PRKCA: variants seen among roughly 807,000 people sequenced by gnomAD.
The protein encoded by PRKCA is protein kinase C alpha, also known as protein kinase C alpha type.
In PRKCA, 27 loss-of-function variants were observed where a neutral mutation model predicts 87.0. That is an observed-to-expected ratio of 0.31 (90% CI 0.23 to 0.43). The LOEUF (loss-of-function observed/expected upper bound fraction) is 0.43. Ranked by LOEUF, PRKCA falls within the 20% of genes least tolerant of loss-of-function variation. The pLI is 1.00. For missense variants in PRKCA, 518 were observed against 852.3 expected (o/e 0.61, Z 4.88); for synonymous variants, 329 against 311.1 (o/e 1.06, Z -0.61).
At chr17:66,732,637 C>G in intron 8 of PRKCA, 51 bp from the exon 9 acceptor site, 9 of 1,611,492 alleles carry the variant, frequency 5.6e-6, no homozygotes, top group South Asian at 3.3e-5. Flanking sequence ...TTCTGTCACT[C>G]TTTCCCCAGA....
intron 3 of PRKCA, among the ~76,000 whole-genome samples, chr17:66,563,668 A>G (rs567424371): frequency 7.9e-4 from 121 of 152,230 alleles, no homozygotes; most frequent in Non-Finnish European, 1.4e-3. Context: ...AAAATATCTC[A>G]TTCTTTTTCT....
At chr17:66,313,351 C>T (rs1331664290) in intron 2 of PRKCA, among the ~76,000 whole-genome samples, 2 of 152,080 alleles carry the variant, frequency 1.3e-5, no homozygotes, top group South Asian at 2.1e-4. Context: ...AGAAAAAGTA[C>T]TTTTAAAGCT....
At chr17:66,691,528 C>T (rs1021403764) in intron 8 of PRKCA, among the ~76,000 whole-genome samples, 3 of 152,218 alleles carry the variant, frequency 2.0e-5, no homozygotes, top group Non-Finnish European at 4.4e-5. Context: ...TGTTTCCACC[C>T]CTACCCTGCA....
At chr17:66,723,031 C>G (rs1428634097) in intron 8 of PRKCA, among the ~76,000 whole-genome samples, 1 of 152,232 alleles carries the variant, frequency 6.6e-6, no homozygotes, top group African/African-American at 2.4e-5. Context: ...GGGTGGATAG[C>G]TAGAGCCAAG....
intron 2 of PRKCA, among the ~76,000 whole-genome samples, chr17:66,385,172 T>C (rs1388357114): frequency 6.6e-6 from 1 of 152,172 alleles, no homozygotes; most frequent in Non-Finnish European, 1.5e-5. Context: ...TGTGTGGGGC[T>C]CAACTCCTTC....
At chr17:66,698,979 A>T (rs1972996851) in intron 8 of PRKCA, among the ~76,000 whole-genome samples, 1 of 149,004 alleles carries the variant, frequency 6.7e-6, no homozygotes, top group Non-Finnish European at 1.5e-5. Flanking sequence ...GACTGTCTTA[A>T]AAAAAAGAAA....
chr17:66,776,776 C>A (rs970324107), intron 14 of PRKCA, among the ~76,000 whole-genome samples: 1 of 152,210 alleles, frequency 6.6e-6, no homozygotes. Flanking sequence ...CAGGGTCTTA[C>A]ATCTCTTCTC....
At chr17:66,492,119 G>A (rs148244207) in intron 2 of PRKCA, among the ~76,000 whole-genome samples, 6 of 152,312 alleles carry the variant, frequency 3.9e-5, no homozygotes, top group African/African-American at 1.4e-4. Context: ...CAGATAACGT[G>A]TCTATGAGTG....
At chr17:66,517,478 G>A (rs901938024) in intron 3 of PRKCA, among the ~76,000 whole-genome samples, 2 of 152,122 alleles carry the variant, frequency 1.3e-5, no homozygotes, top group African/African-American at 4.8e-5. Context: ...TGTGGCCCTT[G>A]AGGGCAAAAC....
At chr17:66,799,169 G>A (rs1489642582) in intron 16 of PRKCA, among the ~76,000 whole-genome samples, 2 of 11,146 alleles carry the variant, frequency 1.8e-4, no homozygotes, top group Admixed American at 9.9e-4. Flanking sequence ...GGTGGTGGTG[G>A]TGGTGGTGAT....
intron 2 of PRKCA, among the ~76,000 whole-genome samples, chr17:66,462,947 CACACACACACACACACACAT>C (rs1914921730): frequency 6.6e-6 from 1 of 151,430 alleles, no homozygotes; most frequent in Admixed American, 6.6e-5. Context: ...CACACACACA[CACACACACACACACACACAT>C]TTATGAGTCA....
chr17:66,651,327 A>T (rs1244525306), intron 5 of PRKCA, among the ~76,000 whole-genome samples: 1 of 152,154 alleles, frequency 6.6e-6, no homozygotes, highest in Non-Finnish European at 1.5e-5. Context: ...TGAGTTAAAT[A>T]TTTCTTTTTA....
At chr17:66,801,272 T>G (rs1200646856) in intron 16 of PRKCA, among the ~76,000 whole-genome samples, 1 of 152,220 alleles carries the variant, frequency 6.6e-6, no homozygotes, top group Non-Finnish European at 1.5e-5. Context: ...CTTGAGCCAG[T>G]CATTCTTTGG....
intron 16 of PRKCA, chr17:66,796,331 G>A (rs958649224): frequency 1.2e-5 from 7 of 584,502 alleles, no homozygotes; most frequent in Non-Finnish European, 1.1e-5. Context: ...AGGTGTTTCC[G>A]CATCAGCTCA....
chr17:66,514,237 G>A (rs1966888994), intron 3 of PRKCA, among the ~76,000 whole-genome samples: 2 of 152,050 alleles, frequency 1.3e-5, no homozygotes, highest in Non-Finnish European at 2.9e-5. Flanking sequence ...GGGTTTCTTG[G>A]GATGTAGGCC....
chr17:66,427,068 C>T (rs1009440667), intron 2 of PRKCA, among the ~76,000 whole-genome samples: 7 of 152,074 alleles, frequency 4.6e-5, no homozygotes, highest in Non-Finnish European at 1.0e-4. Context: ...CGAGGTCTTG[C>T]TCTGTCTTCC....
intron 5 of PRKCA, among the ~76,000 whole-genome samples, chr17:66,648,735 T>C (rs1487396442): frequency 6.6e-6 from 1 of 152,118 alleles, no homozygotes; most frequent in Non-Finnish European, 1.5e-5. Context: ...CGTACACCCT[T>C]CACCCAGCAA....
intron 2 of PRKCA, among the ~76,000 whole-genome samples, chr17:66,446,141 G>A (rs1290084598): frequency 6.6e-6 from 1 of 152,060 alleles, no homozygotes. Context: ...TAGAAGTTAA[G>A]GTGAGTTTTA....
At chr17:66,319,206 A>G (rs1905504231) in intron 2 of PRKCA, among the ~76,000 whole-genome samples, 1 of 152,118 alleles carries the variant, frequency 6.6e-6, no homozygotes, top group Non-Finnish European at 1.5e-5. Flanking sequence ...AATGTTGTGG[A>G]AGGATAATTT....
Sources: allele counts gnomAD v4.1 joint callset (sites outside exome capture counted in the v4.1 genomes callset), GRCh38; gene constraint gnomAD v4.1.1; transcripts MANE v1.5; gene names NCBI Gene and HGNC (gene_info 2026-07-23, HGNC 2026-07-21).